Variants in EPHA8 observed in about 807,000 individuals in gnomAD.
EPHA8 encodes EPH receptor A8, also known as ephrin type-A receptor 8.
Under a neutral mutation model 103.6 loss-of-function variants are expected in EPHA8, and 58 were observed. The ratio of observed to expected loss-of-function variants is 0.56; its 90% confidence interval spans 0.45 to 0.70. The LOEUF is 0.70. Ranked by LOEUF, EPHA8 falls within the 30% of genes least tolerant of loss-of-function variation. The pLI is 0.00. For missense variants in EPHA8, 1,304 were observed against 1,395.2 expected, an observed-to-expected ratio of 0.93 and a Z score of 1.04; for synonymous variants, 559 against 572.5, an observed-to-expected ratio of 0.98 and a Z score of 0.34.
chr1:22,589,063 G>C lies in EPHA8; in HGVS notation c.1172G>C (p.Ser391Thr), dbSNP rs1379388674. ...ACCCGCTTTGTGCCCCAGCAGACAAGCCTGGTGCAGGCCAGCCTGCTGGTG... is the reference window on the plus strand; with the variant it reads ...ACCCGCTTTGTGCCCCAGCAGACAACCCTGGTGCAGGCCAGCCTGCTGGTG... The part of the protein sequence containing the change: ...SGTRFVPQQT[S>T]LVQASLLVAN... Residue 391 changes from serine to threonine, a missense_variant, in exon 5 of 17, where the codon AGC becomes ACC. Physicochemically the swap from Ser to Thr is moderately conservative, Grantham distance 58. Transcript: ENST00000166244. The surrounding 1 kb of genome is among the most constrained non-coding windows in gnomAD (Gnocchi z 4.3). The C allele has an allele frequency of 6.2e-7, 1 of 1,613,260 alleles. No individual in the cohort carries two copies. Among genetic ancestry groups the C allele is most frequent in the Non-Finnish European group, 8.5e-7 (1 of 1,179,714 alleles).
chr1:22,576,998 C>A lies in EPHA8; in HGVS notation c.823+118C>A, dbSNP rs1252215721. Reference sequence around the variant, plus strand: ...CAGGCACCTGAGTGACCCACACAGCCCCTGGGAAGATGGATAAACCTCCAG... The same window carrying A: ...CAGGCACCTGAGTGACCCACACAGCACCTGGGAAGATGGATAAACCTCCAG... On this transcript the variant is annotated intron_variant, in intron 3 of 16. Transcript: ENST00000166244. This position sits in a 1 kb window ranked among gnomAD's most constrained non-coding sequence, Gnocchi z 4.8. 1 of 1,197,720 alleles carries A rather than the reference C, an allele frequency of 8.3e-7. No homozygotes were observed. Among genetic ancestry groups the A allele is most frequent in the Non-Finnish European group, 1.1e-6 (1 of 882,712 alleles). The allele number at this position is 1,197,720 out of a possible 1,614,324, so 74.2% of individuals were successfully genotyped here. A position where few individuals can be genotyped will look rare whatever the true frequency, so the allele number is the denominator to read the frequency against.
At chr1:22,585,430 C>G (rs1396658017) in intron 3 of EPHA8, among the ~76,000 whole-genome samples, 1 of 152,184 alleles carries the variant, frequency 6.6e-6, no homozygotes, top group African/African-American at 2.4e-5. Flanking sequence ...ACTCCTTATT[C>G]TTTAGGCCAC....
chr1:22,578,176 ATGTGTGTGCG>A (rs1640821163), intron 3 of EPHA8, among the ~76,000 whole-genome samples: 3 of 44,134 alleles, frequency 6.8e-5, no homozygotes, highest in Admixed American at 2.7e-4. Context: ...GTATGTGTGC[ATGTGTGTGCG>A]TGCATGTGTG....
intron 2 of EPHA8, among the ~76,000 whole-genome samples, chr1:22,570,150 T>A (rs1640483114): frequency 6.6e-6 from 1 of 152,186 alleles, no homozygotes; most frequent in Non-Finnish European, 1.5e-5. Flanking sequence ...AACATAGGCT[T>A]TTATAATGAT....
chr1:22,568,622 A>T (rs1640436540), intron 1 of EPHA8, among the ~76,000 whole-genome samples: 3 of 152,172 alleles, frequency 2.0e-5, no homozygotes, highest in Admixed American at 2.0e-4. Context: ...CCCCTTGCAG[A>T]TATTGGCACA....
intron 5 of EPHA8, among the ~76,000 whole-genome samples, chr1:22,591,525 C>T (rs866192951): frequency 7.9e-5 from 12 of 151,968 alleles, no homozygotes; most frequent in Admixed American, 2.6e-4. Context: ...CCAGCACCAC[C>T]GCCCCCCAAG....
intron 1 of EPHA8, among the ~76,000 whole-genome samples, chr1:22,568,343 G>A (rs1640425701): frequency 1.3e-5 from 2 of 152,322 alleles, no homozygotes; most frequent in South Asian, 4.1e-4. Flanking sequence ...GCCTGACTTA[G>A]AGTGACTTTG....
rs1303861509 is a variant in EPHA8 at position 22,563,919 on chromosome 1, C to G, written c.94+190C>G. 6.6e-6 allele frequency among the ~76,000 whole-genome samples: 1 copy of G among 151,916 alleles called. No homozygotes were observed. Among genetic ancestry groups the G allele is most frequent in the Non-Finnish European group, 1.5e-5 (1 of 67,944 alleles). On this transcript the variant is annotated intron_variant, in intron 1 of 16. Transcript: ENST00000166244. The surrounding 1 kb of genome is among the most constrained non-coding windows in gnomAD (Gnocchi z 4.4). ...GGACAGAGCGGTGGAGATGGGAACC[C>G]GCGAGCTTGAGGAAGACGGACAGGT... is the stretch of plus-strand genomic sequence containing the variant.
In EPHA8 at chr1:22,589,502, A is replaced by G. The variant is rs1641320218; in HGVS notation, c.1315+296A>G. The stretch of plus-strand genomic sequence containing the variant: ...TGTGCCTCAGTTTCCTCCCTGGTGC[A>G]ATGGGAATAATAGTACCTGCCTGAG... On this transcript the variant is annotated intron_variant, in intron 5 of 16. Transcript: ENST00000166244. The surrounding 1 kb of genome is among the most constrained non-coding windows in gnomAD (Gnocchi z 4.3). 2.8e-6 allele frequency: 4 copies of G among 1,437,028 alleles called. No individual in the cohort carries two copies. The highest frequency in any genetic ancestry group is 3.6e-6 in the Non-Finnish European group (4 of 1,100,990). The allele number at this position is 1,437,028 out of a possible 1,614,324, so 89.0% of individuals were successfully genotyped here. A position where few individuals can be genotyped will look rare whatever the true frequency, so the allele number is the denominator to read the frequency against.
chr1:22,593,809 C>T, intron 7 of EPHA8, 123 bp downstream of exon 7: 1 of 1,203,072 alleles, frequency 8.3e-7, no homozygotes, highest in South Asian at 1.7e-5. Flanking sequence ...TTCTGCTCTC[C>T]TTGCCCTACC....
rs1382966143 is a variant in EPHA8 at position 22,567,917 on chromosome 1, TC to T, written c.95-1371del. Among the ~76,000 whole-genome samples the T allele has an allele frequency of 6.6e-6, 1 of 152,106 alleles. No individual in the cohort carries two copies. Among genetic ancestry groups the T allele is most frequent in the Non-Finnish European group, 1.5e-5 (1 of 68,040 alleles). ...TGTGGGACTCTGGAGCCAAAAGCCC[TC>T]TCATACAGCAATCACCAGCTAGATC... On this transcript the variant is annotated intron_variant, in intron 1 of 16. Transcript: ENST00000166244. The surrounding 1 kb of genome is among the most constrained non-coding windows in gnomAD (Gnocchi z 4.2).
chr1:22,577,821 T>C (rs550151729), intron 3 of EPHA8, among the ~76,000 whole-genome samples: 12 of 146,492 alleles, frequency 8.2e-5, no homozygotes, highest in African/African-American at 2.3e-4. Flanking sequence ...TGCATGTGTG[T>C]GCATGTGTGC....
At chr1:22,591,403 T>G (rs1298033118) in intron 5 of EPHA8, among the ~76,000 whole-genome samples, 1 of 148,440 alleles carries the variant, frequency 6.7e-6, no homozygotes, top group Admixed American at 6.7e-5. Flanking sequence ...TTTTTTTTTG[T>G]AGAGATGGGG....
rs767961686 is a variant in EPHA8 at position 22,601,688 on chromosome 1, C to T, written c.2965C>T (p.Gln989Ter). 1 of 1,588,962 alleles carries T rather than the reference C, an allele frequency of 6.3e-7. No individual in the cohort carries two copies. The highest frequency in any genetic ancestry group is 8.6e-7 in the Non-Finnish European group (1 of 1,167,676). ...GHQKKILGSI[Q>*]TMRAQLTSTQ... Reference sequence around the variant, plus strand: ...CCAGAAGAAGATCCTGGGCAGCATTCAGACCATGCGGGCCCAGCTGACCAG... The same window carrying T: ...CCAGAAGAAGATCCTGGGCAGCATTTAGACCATGCGGGCCCAGCTGACCAG... Residue 989 changes from glutamine to a stop codon, truncating the protein, a stop_gained, in exon 17 of 17, where the codon CAG (glutamine) becomes TAG (stop). Coordinates refer to ENST00000166244, the MANE Select transcript of EPHA8 (RefSeq NM_020526.5). LOFTEE classifies it high-confidence loss of function.
rs148170457 is a variant in EPHA8, at chr1:22,599,020, C to T, written c.2361C>T (p.Asp787=). The change falls in exon 13 of 17, where the codon GAC becomes GAT. Residue 787 remains aspartate, a synonymous_variant. Transcript: ENST00000166244. ...TCGGGCTCTCACGGGTGCTGGAGGA[C>T]GACCCGGATGCTGCCTACACCACCA... ...SDFGLSRVLE[D]DPDAAYTTTG... The T allele has an allele frequency of 5.4e-4, 864 of 1,609,486 alleles. 14 individuals are homozygous for T. In the East Asian group the frequency reaches 0.017, roughly 31 times the overall value.
At chr1:22,580,381 C>T (rs1224156006) in intron 3 of EPHA8, among the ~76,000 whole-genome samples, 11 of 152,018 alleles carry the variant, frequency 7.2e-5, no homozygotes, top group Admixed American at 2.6e-4. Flanking sequence ...TCAAGTGATC[C>T]GCCTGCCTCG....
At chr1:22,577,990 C>CGTGAATGT (rs765297915) in intron 3 of EPHA8, among the ~76,000 whole-genome samples, 33 of 164 alleles carry the variant, frequency 0.2, 12 homozygotes, top group Admixed American at 0.67. Flanking sequence ...TGCATGTGTG[C>CGTGAATGT]ATGTACACCT....
rs1641596386 is a variant in EPHA8 at position 22,598,867 on chromosome 1, G to A, written c.2208G>A (p.Gln736=). The A allele has an allele frequency of 3.1e-6, 5 of 1,613,046 alleles. No individual in the cohort carries two copies. The highest frequency in any genetic ancestry group is 4.2e-6 in the Non-Finnish European group (5 of 1,179,974). The change falls in exon 13 of 17, where the codon CAG becomes CAA. Residue 736 remains glutamine, a synonymous_variant. Transcript: ENST00000166244. This position sits in a 1 kb window ranked among gnomAD's most constrained non-coding sequence, Gnocchi z 5.1. ...ACGACGGGCAGTTCACCATCATGCA[G>A]CTGGTGGGCATGCTGAGAGGAGTGG... ...RTHDGQFTIM[Q]LVGMLRGVGA...
chr1:22,598,076 G>A lies in EPHA8; in HGVS notation c.2117-75G>A. On this transcript the variant is annotated intron_variant, in intron 11 of 16. Transcript: ENST00000166244. The surrounding 1 kb of genome is among the most constrained non-coding windows in gnomAD (Gnocchi z 5.1). ...TGCTGGCACAGGTCCTGAGATGGTG[G>A]TATGCTCCTGGGGTCTCTGATCAGC... 10 of 1,526,916 alleles carry A rather than the reference G, an allele frequency of 6.5e-6. No homozygotes were observed. The highest frequency in any genetic ancestry group is 1.7e-4 in the Middle Eastern group (1 of 5,914). 94.6% of individuals were successfully genotyped at this position (1,526,916 alleles called of 1,614,324 possible).
Sources: allele counts gnomAD v4.1 joint callset (sites outside exome capture counted in the v4.1 genomes callset), GRCh38; gene constraint gnomAD v4.1.1; non-coding constraint Gnocchi (gnomAD v3.1); transcripts MANE v1.5; gene names NCBI Gene and HGNC (gene_info 2026-07-23, HGNC 2026-07-21).